Variants in MAML3 observed in about 807,000 individuals in gnomAD.
The protein encoded by MAML3 is mastermind like transcriptional coactivator 3.
MAML3 carries 27 observed loss-of-function variants against 101.9 expected under a neutral mutation model. That is an observed-to-expected ratio of 0.27 (90% CI 0.20 to 0.37). The LOEUF (loss-of-function observed/expected upper bound fraction) is 0.37, where lower values mean the gene tolerates loss of function less well. MAML3 is among the 10% of genes least tolerant of loss of function. The pLI is 1.00. For missense variants in MAML3, 1,316 were observed against 1,444.9 expected (o/e 0.91, Z 1.45); for synonymous variants, 501 against 555.9 (o/e 0.90, Z 1.39).
At chr4:139,774,838 A>G (rs1730062338) in intron 2 of MAML3, among the ~76,000 whole-genome samples, 1 of 152,224 alleles carries the variant, frequency 6.6e-6, no homozygotes. Flanking sequence ...CCACACTGCA[A>G]AGTTGGTGGA....
intron 1 of MAML3, among the ~76,000 whole-genome samples, chr4:140,030,566 C>T (rs1008703656): frequency 6.6e-6 from 1 of 152,100 alleles, no homozygotes; most frequent in African/African-American, 2.4e-5. Context: ...TTTTGTTTTT[C>T]TTTTCTACCT....
intron 4 of MAML3, among the ~76,000 whole-genome samples, chr4:139,722,949 A>G (rs918912761): frequency 6.6e-5 from 10 of 152,274 alleles, no homozygotes; most frequent in African/African-American, 2.4e-4. Context: ...AAAATGTCAC[A>G]CTGGCTTTAC....
intron 1 of MAML3, among the ~76,000 whole-genome samples, chr4:139,892,077 A>G (rs1294323218): frequency 6.6e-6 from 1 of 152,224 alleles, no homozygotes; most frequent in East Asian, 1.9e-4. Context: ...GACGGCCCCA[A>G]AAGATGCTCA....
Position 139,771,294 on chromosome 4 carries a change from C to T in MAML3, c.2080-40627G>A, listed in dbSNP as rs144776904. 1.8e-3 allele frequency among the ~76,000 whole-genome samples: 278 copies of T among 152,340 alleles called. 1 individual carries two copies. Among genetic ancestry groups the T allele is most frequent in the African/African-American group, 6.3e-3 (260 of 41,570 alleles). On this transcript the variant is annotated intron_variant, in intron 2 of 4. Transcript: ENST00000509479. Reference sequence around the variant, plus strand: ...GCCATGTCTTAGAACTTTCCTAAGACTGAGCCTCATGTTATGGGCTGATCA... The same window carrying T: ...GCCATGTCTTAGAACTTTCCTAAGATTGAGCCTCATGTTATGGGCTGATCA...
intron 1 of MAML3, among the ~76,000 whole-genome samples, chr4:140,009,176 A>T (rs1364277142): frequency 6.6e-6 from 1 of 152,164 alleles, no homozygotes; most frequent in African/African-American, 2.4e-5. Context: ...GCCTGTGCCT[A>T]TTGTTACAAG....
chr4:139,833,517 G>A (rs772546525), intron 2 of MAML3, among the ~76,000 whole-genome samples: 4 of 152,196 alleles, frequency 2.6e-5, no homozygotes, highest in Middle Eastern at 3.4e-3. Context: ...GGCAGCCAAG[G>A]GGAAAGAGAA....
intron 2 of MAML3, among the ~76,000 whole-genome samples, chr4:139,821,655 A>C (rs1364743207): frequency 2.6e-5 from 4 of 152,246 alleles, no homozygotes; most frequent in Non-Finnish European, 5.9e-5. Flanking sequence ...TGAGAGCAGG[A>C]GAACACCAGG....
At chr4:140,124,525 T>C (rs1728656705) in intron 1 of MAML3, among the ~76,000 whole-genome samples, 1 of 152,168 alleles carries the variant, frequency 6.6e-6, no homozygotes, top group Non-Finnish European at 1.5e-5. Context: ...AAGTGTTCTC[T>C]TAAGCGTCTG....
At chr4:139,731,435 T>TA (rs70943437) in intron 2 of MAML3, 581 of 38,640 alleles carry the variant, frequency 0.015, 51 homozygotes, top group South Asian at 0.03. Context: ...CTGTCTCTAC[T>TA]AAAAAAAAAA....
At position 139,992,360 on chromosome 4, in the gene MAML3, T is replaced by C. The variant is rs536831119; in HGVS notation, c.469-101393A>G. Among the ~76,000 whole-genome samples the C allele has an allele frequency of 9.5e-4, 144 of 152,330 alleles. 1 individual carries two copies. Among genetic ancestry groups the C allele is most frequent in the African/African-American group, 3.2e-3 (133 of 41,572 alleles). Reference sequence around the variant, plus strand: ...CCTGGATAGATTCCTTAGAGTGTCATGGCCTTAGAGTAGCATGGCTGATCC... The same window carrying C: ...CCTGGATAGATTCCTTAGAGTGTCACGGCCTTAGAGTAGCATGGCTGATCC... On this transcript the variant is annotated intron_variant, in intron 1 of 4. Coordinates refer to ENST00000509479, the MANE Select transcript of MAML3 (RefSeq NM_018717.5).
At chr4:140,132,533 G>T (rs1011970847) in intron 1 of MAML3, among the ~76,000 whole-genome samples, 1 of 152,186 alleles carries the variant, frequency 6.6e-6, no homozygotes, top group Admixed American at 6.5e-5. Flanking sequence ...TATGAGACTA[G>T]ATAATGATAT....
chr4:139,801,668 G>GTGTGTGTGTGTGTGTC (rs1730610973), intron 2 of MAML3, among the ~76,000 whole-genome samples: 3 of 17,210 alleles, frequency 1.7e-4, no homozygotes, highest in African/African-American at 4.1e-4. Context: ...GTGTGTGTGT[G>GTGTGTGTGTGTGTGTC]TGTGTGTGTG....
intron 2 of MAML3, among the ~76,000 whole-genome samples, chr4:139,871,012 G>A (rs570642079): frequency 1.2e-4 from 18 of 152,302 alleles, no homozygotes; most frequent in South Asian, 4.1e-4. Context: ...TGGAATGCAT[G>A]TTTGTGTGTA....
chr4:140,070,899 A>T (rs577213258), intron 1 of MAML3, among the ~76,000 whole-genome samples: 10 of 152,282 alleles, frequency 6.6e-5, no homozygotes, highest in African/African-American at 2.4e-4. Flanking sequence ...TCCAGAGGGG[A>T]ACCTCCTCTG....
At chr4:139,821,781 C>T (rs1301178990) in intron 2 of MAML3, among the ~76,000 whole-genome samples, 1 of 152,208 alleles carries the variant, frequency 6.6e-6, no homozygotes, top group Non-Finnish European at 1.5e-5. Context: ...TTATCATTTA[C>T]ATAATGTGGA....
chr4:139,951,432 G>A (rs1235256879), intron 1 of MAML3, among the ~76,000 whole-genome samples: 3 of 152,264 alleles, frequency 2.0e-5, no homozygotes, highest in Non-Finnish European at 4.4e-5. Flanking sequence ...AGGCCCACCA[G>A]TGAGGTCACA....
At chr4:139,770,770 T>C (rs761580505) in intron 2 of MAML3, among the ~76,000 whole-genome samples, 1 of 152,176 alleles carries the variant, frequency 6.6e-6, no homozygotes, top group Non-Finnish European at 1.5e-5. Flanking sequence ...CCCAATAAAA[T>C]GTTACACAGT....
At chr4:140,083,381 G>T (rs1231439272) in intron 1 of MAML3, among the ~76,000 whole-genome samples, 1 of 152,188 alleles carries the variant, frequency 6.6e-6, no homozygotes, top group Non-Finnish European at 1.5e-5. Context: ...GAATAAATGA[G>T]CACTCCCATG....
At chr4:139,728,649 G>A (rs1728574592) in intron 3 of MAML3, among the ~76,000 whole-genome samples, 1 of 152,200 alleles carries the variant, frequency 6.6e-6, no homozygotes, top group South Asian at 2.1e-4. Flanking sequence ...ATGATCCACA[G>A]GTCACGGCTT....
Sources: gnomAD v4.1 joint callset for allele counts (sites outside exome capture counted in the v4.1 genomes callset) on GRCh38, gnomAD v4.1.1 for gene constraint, MANE v1.5 for transcripts, NCBI Gene and HGNC (gene_info 2026-07-23, HGNC 2026-07-21) for gene names.